IQCJ: variants seen among roughly 807,000 people sequenced by gnomAD.
The protein encoded by IQCJ is IQ motif containing J, also known as IQ domain-containing protein J.
In IQCJ, 9 loss-of-function variants were observed where a neutral mutation model predicts 11.0. That is an observed-to-expected ratio of 0.82 (90% CI 0.49 to 1.43). The LOEUF (loss-of-function observed/expected upper bound fraction) is 1.43. Among genes scored for constraint, IQCJ ranks in the 40% most tolerant of loss-of-function variants. IQCJ has a pLI of 0.00. For missense variants in IQCJ, 146 were observed against 133.2 expected (o/e 1.10, Z -0.47); for synonymous variants, 55 against 51.3 (o/e 1.07, Z -0.31).
At chr3:159,091,195 A>G (rs891823282) in intron 1 of IQCJ, among the ~76,000 whole-genome samples, 2 of 151,832 alleles carry the variant, frequency 1.3e-5, no homozygotes, top group Non-Finnish European at 1.5e-5. Flanking sequence ...ATGCATGAAT[A>G]CAGGTGTAGG....
chr3:159,192,616 C>T (rs1172323572), intron 1 of IQCJ, among the ~76,000 whole-genome samples: 2 of 152,128 alleles, frequency 1.3e-5, no homozygotes, highest in African/African-American at 4.8e-5. Flanking sequence ...CAGTTGATTG[C>T]CTGTAGAAGG....
At chr3:159,264,547 A>G (rs1032521935), downstream of IQCJ, among the ~76,000 whole-genome samples, 16 of 152,198 alleles carry the variant, frequency 1.1e-4, no homozygotes, top group Admixed American at 7.2e-4. Flanking sequence ...TAGCCCCACC[A>G]TATCATCATC....
intron 1 of IQCJ, among the ~76,000 whole-genome samples, chr3:159,218,816 C>T (rs1048298408): frequency 3.3e-5 from 5 of 151,986 alleles, no homozygotes; most frequent in Non-Finnish European, 7.4e-5. Context: ...CTCACAGTCC[C>T]GAAAGTCAGA....
intron 1 of IQCJ, among the ~76,000 whole-genome samples, chr3:159,237,205 G>A (rs1052258077): frequency 6.6e-6 from 1 of 152,186 alleles, no homozygotes; most frequent in Non-Finnish European, 1.5e-5. Flanking sequence ...ATTTTGATTG[G>A]ATTTCTGATT....
intron 1 of IQCJ, among the ~76,000 whole-genome samples, chr3:159,208,696 C>T (rs1724789752): frequency 6.6e-6 from 1 of 152,154 alleles, no homozygotes; most frequent in African/African-American, 2.4e-5. Flanking sequence ...TGAATAATGG[C>T]TCCCCAAAAG....
intron 1 of IQCJ, among the ~76,000 whole-genome samples, chr3:159,200,041 T>TATATATATATATATATATATATATATATA (rs1724220298): frequency 7.1e-6 from 1 of 141,712 alleles, no homozygotes; most frequent in Admixed American, 7.1e-5. Context: ...TATATATATA[T>TATATATATATATATATATATATATATATA]ATATATAAAT....
chr3:159,214,308 C>T (rs1424251728), intron 1 of IQCJ, among the ~76,000 whole-genome samples: 1 of 152,148 alleles, frequency 6.6e-6, no homozygotes, highest in Non-Finnish European at 1.5e-5. Flanking sequence ...CTGGTACAAC[C>T]TGGGGGTAGC....
chr3:159,167,237 G>C lies in IQCJ; in HGVS notation c.10-78606G>C, dbSNP rs1722221779. Among the ~76,000 whole-genome samples the C allele has an allele frequency of 3.3e-5, 5 of 152,178 alleles. No individual in the cohort carries two copies. The South Asian group carries it at 1.0e-3, about 32-fold the overall frequency. On this transcript the variant is annotated intron_variant, in intron 1 of 3. Transcript: ENST00000397832. Reference sequence around the variant, plus strand: ...GTACTTCTATAGCTTTTTATAACATGAGTTTTCATAGTCCTTATCTCATTT... The same window carrying C: ...GTACTTCTATAGCTTTTTATAACATCAGTTTTCATAGTCCTTATCTCATTT...
intron 1 of IQCJ, among the ~76,000 whole-genome samples, chr3:159,085,954 G>C (rs1281815197): frequency 6.6e-6 from 1 of 151,944 alleles, no homozygotes; most frequent in African/African-American, 2.4e-5. Context: ...GGCTTTTGTT[G>C]CTATTGCTTT....
chr3:159,157,598 T>C (rs1252370217), intron 1 of IQCJ, among the ~76,000 whole-genome samples: 3 of 152,202 alleles, frequency 2.0e-5, no homozygotes, highest in Non-Finnish European at 4.4e-5. Flanking sequence ...CAGTTTAATA[T>C]ATACCTATAG....
intron 1 of IQCJ, among the ~76,000 whole-genome samples, chr3:159,153,982 A>G (rs1166247383): frequency 6.6e-6 from 1 of 152,212 alleles, no homozygotes; most frequent in African/African-American, 2.4e-5. Context: ...AAATTCTGTA[A>G]GTCTCAAATC....
intron 1 of IQCJ, among the ~76,000 whole-genome samples, chr3:159,092,542 TA>T (rs1284032116): frequency 6.6e-6 from 1 of 151,596 alleles, no homozygotes; most frequent in Non-Finnish European, 1.5e-5. Flanking sequence ...TACTAAAATA[TA>T]AAAAATTAGC....
intron 1 of IQCJ, among the ~76,000 whole-genome samples, chr3:159,166,681 T>G (rs1005547858): frequency 7.4e-4 from 113 of 152,322 alleles, no homozygotes; most frequent in African/African-American, 2.3e-3. Context: ...CAGATTTTCT[T>G]CTGTGTGGAG....
At chr3:159,170,145 A>G (rs1722412132) in intron 1 of IQCJ, among the ~76,000 whole-genome samples, 2 of 152,200 alleles carry the variant, frequency 1.3e-5, no homozygotes. Context: ...CTCATTATTT[A>G]TAATTTTAAA....
chr3:159,150,613 C>T (rs577052077), intron 1 of IQCJ, among the ~76,000 whole-genome samples: 2 of 151,696 alleles, frequency 1.3e-5, no homozygotes, highest in South Asian at 2.1e-4. Flanking sequence ...CACACACACA[C>T]ACATATTCTG....
At chr3:159,163,465 T>A (rs1329981328) in intron 1 of IQCJ, among the ~76,000 whole-genome samples, 1 of 152,198 alleles carries the variant, frequency 6.6e-6, no homozygotes, top group African/African-American at 2.4e-5. Context: ...ACAGCCAGTA[T>A]CATACTGAAT....
At chr3:159,176,200 A>G (rs1054253331) in intron 1 of IQCJ, among the ~76,000 whole-genome samples, 2 of 152,170 alleles carry the variant, frequency 1.3e-5, no homozygotes, top group African/African-American at 4.8e-5. Flanking sequence ...AATAAGATAC[A>G]TGTTTTACAA....
rs140232231 is a variant in IQCJ, at chr3:159,226,308, C to T, written c.10-19535C>T. ...CCCTCATCATGAAGCTATGTAGGGGCCCAGGTGCCAGTCATCTCATTAGAA... is the reference window on the plus strand; with the variant it reads ...CCCTCATCATGAAGCTATGTAGGGGTCCAGGTGCCAGTCATCTCATTAGAA... On this transcript the variant is annotated intron_variant, in intron 1 of 3. Transcript: ENST00000397832. 2.1e-3 allele frequency among the ~76,000 whole-genome samples: 322 copies of T among 152,238 alleles called. 1 individual carries two copies. The highest frequency in any genetic ancestry group is 3.3e-3 in the Non-Finnish European group (226 of 68,024).
chr3:159,244,132 A>G (rs1166433148), intron 1 of IQCJ, among the ~76,000 whole-genome samples: 1 of 152,228 alleles, frequency 6.6e-6, no homozygotes, highest in Non-Finnish European at 1.5e-5. Context: ...CATGCTTGTC[A>G]GACATGTACA....
Sources: gnomAD v4.1 joint callset for allele counts (sites outside exome capture counted in the v4.1 genomes callset) on GRCh38, gnomAD v4.1.1 for gene constraint, MANE v1.5 for transcripts, NCBI Gene and HGNC (gene_info 2026-07-23, HGNC 2026-07-21) for gene names.